The following ADAM12 variants were observed in gnomAD, a reference collection of about 807,000 sequenced individuals.
ADAM12 encodes the protein disintegrin and metalloproteinase domain-containing protein 12.
A neutral mutation model predicts 106.4 loss-of-function variants in ADAM12; 70 were observed. The ratio of observed to expected loss-of-function variants is 0.66; its 90% CI spans 0.54 to 0.80. The LOEUF is 0.80. ADAM12 is among the 30% of genes least tolerant of loss of function. ADAM12 has a pLI of 0.00. For synonymous variants in ADAM12, 420 were observed against 433.5 expected (o/e 0.97, Z 0.39); for missense variants, 1,010 against 1,171.9 (o/e 0.86, Z 2.02).
In ADAM12 at chr10:126,267,389, A is replaced by G. The variant is rs7358101; in HGVS notation, c.260+11526T>C. Among the ~76,000 whole-genome samples, 1,170 of 152,330 alleles carry G rather than the reference A, an allele frequency of 7.7e-3. 15 individuals are homozygous for G. Among genetic ancestry groups the G allele is most frequent in the African/African-American group, 0.026 (1,066 of 41,558 alleles). ...TTTATTTCTATTATTACATTGTAATATATAATGAAATAATTATACAACTCA... is the reference window on the plus strand; with the variant it reads ...TTTATTTCTATTATTACATTGTAATGTATAATGAAATAATTATACAACTCA... On this transcript the variant is annotated intron_variant, in intron 3 of 22. Transcript: ENST00000448723.
chr10:126,270,044 C>T (rs545559138), intron 3 of ADAM12, among the ~76,000 whole-genome samples: 1 of 152,266 alleles, frequency 6.6e-6, no homozygotes, highest in East Asian at 1.9e-4. Context: ...CAAAATTTAG[C>T]TCAATTAAAA....
chr10:126,353,053 C>A (rs1489304400), intron 1 of ADAM12, among the ~76,000 whole-genome samples: 1 of 152,216 alleles, frequency 6.6e-6, no homozygotes, highest in South Asian at 2.1e-4. Flanking sequence ...TGCTCCAGAA[C>A]ATCCTTCCTC....
rs765427779 is a variant in ADAM12, at chr10:126,066,789, G to A, written c.1341C>T (p.Cys447=). ...TCAGGGTACAGGTGGTGGCATTGCA[G>A]CAGCGATTCATACATTCCTGGAAAG... The part of the protein sequence containing the change: ...CGEPEECMNR[C]CNATTCTLKP... The change falls in exon 13 of 23, where the codon TGC becomes TGT. Residue 447 remains cysteine (C), a synonymous_variant. Transcript: ENST00000448723. The surrounding 1 kb of genome is among the most constrained non-coding windows in gnomAD (Gnocchi z 5.1). 1.2e-6 allele frequency: 2 copies of A among 1,614,144 alleles called. No individual in the cohort carries two copies. The highest frequency in any genetic ancestry group is 8.5e-7 in the Non-Finnish European group (1 of 1,179,980).
intron 14 of ADAM12, among the ~76,000 whole-genome samples, chr10:126,054,964 T>A (rs548418932): frequency 6.6e-6 from 1 of 152,216 alleles, no homozygotes; most frequent in South Asian, 2.1e-4. Flanking sequence ...GGGCTTTACA[T>A]CCATCTCCCT....
At chr10:126,385,187 C>G (rs61863902) in intron 1 of ADAM12, among the ~76,000 whole-genome samples, 1 of 152,134 alleles carries the variant, frequency 6.6e-6, no homozygotes, top group Non-Finnish European at 1.5e-5. Context: ...TCTCTAGATA[C>G]GCCACCCTCC....
chr10:126,131,677 A>G (rs897526598), intron 5 of ADAM12, among the ~76,000 whole-genome samples: 1 of 152,158 alleles, frequency 6.6e-6, no homozygotes, highest in African/African-American at 2.4e-5. Flanking sequence ...GCCAAGAGAA[A>G]AGGCCTCAGG....
intron 14 of ADAM12, among the ~76,000 whole-genome samples, chr10:126,059,720 A>G (rs1954711495): frequency 6.6e-6 from 1 of 152,348 alleles, no homozygotes; most frequent in East Asian, 1.9e-4. Context: ...ATAAAATAGA[A>G]AAAACTAACA....
At chr10:126,368,665 T>C (rs924938839) in intron 1 of ADAM12, among the ~76,000 whole-genome samples, 1 of 147,718 alleles carries the variant, frequency 6.8e-6, no homozygotes, top group Non-Finnish European at 1.5e-5. Context: ...TGTTGTTTTT[T>C]TTTGCCTTTG....
chr10:126,262,640 T>C (rs12243881), intron 3 of ADAM12, among the ~76,000 whole-genome samples: 2,012 of 152,324 alleles, frequency 0.013, 49 homozygotes, highest in African/African-American at 0.045. Flanking sequence ...TAAACACCCA[T>C]GTCCTCATCA....
chr10:126,129,147 A>C (rs1014092302), intron 5 of ADAM12, among the ~76,000 whole-genome samples: 2 of 152,274 alleles, frequency 1.3e-5, no homozygotes, highest in African/African-American at 4.8e-5. Context: ...ATTCAGCTTC[A>C]GTCGAACCTC....
intron 22 of ADAM12, among the ~76,000 whole-genome samples, chr10:126,017,836 A>G (rs754344819): frequency 2.6e-5 from 4 of 152,244 alleles, no homozygotes; most frequent in Non-Finnish European, 5.9e-5. Context: ...TCCCTAAAAA[A>G]TGAAATGTGC....
intron 3 of ADAM12, among the ~76,000 whole-genome samples, chr10:126,183,084 C>T (rs1404825526): frequency 6.6e-6 from 1 of 152,130 alleles, no homozygotes; most frequent in Non-Finnish European, 1.5e-5. Context: ...ACTGTGCATG[C>T]GAGGGATCTA....
intron 3 of ADAM12, among the ~76,000 whole-genome samples, chr10:126,231,720 T>G (rs1019895547): frequency 6.6e-6 from 1 of 152,158 alleles, no homozygotes; most frequent in African/African-American, 2.4e-5. Context: ...GGCAATGCCT[T>G]AGGTCCTGAA....
At chr10:126,026,067 A>G (rs1483205705) in intron 21 of ADAM12, among the ~76,000 whole-genome samples, 6 of 152,216 alleles carry the variant, frequency 3.9e-5, no homozygotes, top group Non-Finnish European at 5.9e-5. Context: ...CTAGATAATG[A>G]AGAAAGACCC....
At chr10:126,208,400 C>T (rs1330906229) in intron 3 of ADAM12, among the ~76,000 whole-genome samples, 2 of 152,118 alleles carry the variant, frequency 1.3e-5, no homozygotes, top group Non-Finnish European at 2.9e-5. Context: ...GGGTAAGAAA[C>T]CTGTTCAAGC....
chr10:126,091,406 A>G (rs1353563629), intron 11 of ADAM12, among the ~76,000 whole-genome samples: 1 of 152,202 alleles, frequency 6.6e-6, no homozygotes. Context: ...GGCTTTTGTG[A>G]TTAATTCACC....
intron 3 of ADAM12, among the ~76,000 whole-genome samples, chr10:126,246,069 G>A (rs1435029760): frequency 6.6e-6 from 1 of 152,140 alleles, no homozygotes; most frequent in Non-Finnish European, 1.5e-5. Flanking sequence ...AGTACACAGG[G>A]AAGGGCCTAG....
intron 2 of ADAM12, among the ~76,000 whole-genome samples, chr10:126,319,577 C>T (rs1013396232): frequency 1.6e-4 from 25 of 152,234 alleles, no homozygotes; most frequent in South Asian, 6.2e-4. Flanking sequence ...CCCAATAAAC[C>T]GCCACAACCA....
intron 3 of ADAM12, among the ~76,000 whole-genome samples, chr10:126,158,289 G>A (rs1046658403): frequency 3.4e-5 from 5 of 148,256 alleles, no homozygotes; most frequent in East Asian, 4.1e-4. Flanking sequence ...ACAGAGCACC[G>A]GGAGAGGAGG....
Sources: allele counts gnomAD v4.1 joint callset (sites outside exome capture counted in the v4.1 genomes callset), GRCh38; gene constraint gnomAD v4.1.1; non-coding constraint Gnocchi (gnomAD v3.1); transcripts MANE v1.5; gene names NCBI Gene and HGNC (gene_info 2026-07-23, HGNC 2026-07-21).